Variants in SHTN1 observed in about 807,000 individuals in gnomAD.
SHTN1 encodes the protein shootin 1, also known as shootin-1.
In SHTN1, 42 loss-of-function variants were observed where a neutral mutation model predicts 83.1. The ratio of observed to expected loss-of-function variants is 0.51; its 90% CI spans 0.39 to 0.65. SHTN1 has a LOEUF of 0.65. Among genes scored for constraint, SHTN1 ranks in the 30% least tolerant of loss-of-function variants. The probability of loss-of-function intolerance (pLI) is 0.00; values close to 1 mark genes in which losing one functional copy is unlikely to be tolerated. For missense variants in SHTN1, 622 were observed against 737.8 expected, an observed-to-expected ratio of 0.84 and a Z score of 1.82; for synonymous variants, 224 against 247.7, an observed-to-expected ratio of 0.90 and a Z score of 0.90.
intron 2 of SHTN1, chr10:116,973,999 A>G: frequency 1.8e-6 from 2 of 1,116,720 alleles, no homozygotes; most frequent in Non-Finnish European, 2.3e-6. Flanking sequence ...AGAATACAAC[A>G]CATTAAATCA....
At chr10:116,896,428 A>C (rs958849733) in intron 16 of SHTN1, among the ~76,000 whole-genome samples, 3 of 152,128 alleles carry the variant, frequency 2.0e-5, no homozygotes, top group Non-Finnish European at 4.4e-5. Flanking sequence ...TGAAAGAAGG[A>C]AGGCTAGGCC....
intron 1 of SHTN1, among the ~76,000 whole-genome samples, chr10:117,050,034 T>C (rs946204155): frequency 1.3e-5 from 2 of 151,698 alleles, no homozygotes; most frequent in Non-Finnish European, 2.9e-5. Context: ...CTGAAAACAA[T>C]AGAGAATATT....
chr10:116,929,188 AG>A (rs1423923651), intron 10 of SHTN1, among the ~76,000 whole-genome samples: 1 of 152,240 alleles, frequency 6.6e-6, no homozygotes, highest in Non-Finnish European at 1.5e-5. Context: ...GCTATTATAA[AG>A]GGAATGTACC....
chr10:116,941,090 A>G (rs1849355091), intron 8 of SHTN1, among the ~76,000 whole-genome samples: 1 of 152,228 alleles, frequency 6.6e-6, no homozygotes, highest in Non-Finnish European at 1.5e-5. Flanking sequence ...AACACTATCA[A>G]GTAGACACTA....
At chr10:117,019,417 C>T (rs1002121772) in intron 2 of SHTN1, among the ~76,000 whole-genome samples, 4 of 152,018 alleles carry the variant, frequency 2.6e-5, no homozygotes, top group Admixed American at 1.3e-4. Flanking sequence ...CTCCTGGGCT[C>T]AGGCAATCCT....
At chr10:117,025,358 G>A (rs1469061205) in intron 2 of SHTN1, among the ~76,000 whole-genome samples, 1 of 152,188 alleles carries the variant, frequency 6.6e-6, no homozygotes, top group African/African-American at 2.4e-5. Context: ...CCAGCCCTGG[G>A]CAGAGGAGAA....
chr10:117,018,499 A>AT lies in SHTN1; in HGVS notation c.-123+29945dup, dbSNP rs144955533. ...TCAATCTGATAAAGGGTGTATGTGT[A>AT]TTTTTTTTAAAAAAAAAAAAAAAAG... On this transcript the variant is annotated intron_variant, in intron 2 of 17. Transcript: ENST00000392901. 6.3e-3 allele frequency among the ~76,000 whole-genome samples: 422 copies of AT among 66,812 alleles called. 2 individuals are homozygous for AT. Among genetic ancestry groups the AT allele is most frequent in the African/African-American group, 0.013 (240 of 18,500 alleles). 43.8% of individuals were successfully genotyped at this position (66,812 alleles called of 152,430 possible).
intron 1 of SHTN1, among the ~76,000 whole-genome samples, chr10:117,091,533 G>A (rs574342464): frequency 3.9e-5 from 6 of 152,260 alleles, no homozygotes; most frequent in South Asian, 4.1e-4. Flanking sequence ...CTAAGGGGAG[G>A]TGGAACCTAC....
At chr10:116,946,770 G>T (rs7093852) in intron 7 of SHTN1, among the ~76,000 whole-genome samples, 144,534 of 150,598 alleles carry the variant, frequency 0.96, 69,654 homozygotes, top group East Asian at 1. Flanking sequence ...CAGGCTGGAA[G>T]GCAGTGGTGC....
intron 1 of SHTN1, among the ~76,000 whole-genome samples, chr10:117,000,096 A>G (rs1315411163): frequency 2.0e-5 from 3 of 152,176 alleles, no homozygotes; most frequent in Non-Finnish European, 4.4e-5. Flanking sequence ...CTGGTGATTC[A>G]GATGCAGCTG....
Position 116,906,641 on chromosome 10 carries a change from T to G in SHTN1, c.1466A>C (p.Glu489Ala). ...RILRRRKVTA[E>A]ADSSSPTGIL... is the part of the protein sequence containing the mutation. ...AACCGGCTTACTACTGCTATCTGCT[T>G]CTGCTGTCACCTTTCTGCGACGCAA... Residue 489 changes from glutamate to alanine, a missense_variant, in exon 15 of 17, where the codon GAA (glutamate) becomes GCA (alanine). This residue lies in a region of SHTN1 where 231 missense variants were observed against 251.6 expected (regional missense o/e 0.92). Transcript: ENST00000355371. 6.2e-7 allele frequency: 1 copy of G among 1,612,422 alleles called. No individual in the cohort carries two copies. The highest frequency in any genetic ancestry group is 8.5e-7 in the Non-Finnish European group (1 of 1,179,062).
intron 2 of SHTN1, among the ~76,000 whole-genome samples, chr10:117,023,480 G>A (rs776128705): frequency 6.6e-6 from 1 of 152,104 alleles, no homozygotes; most frequent in African/African-American, 2.4e-5. Context: ...AAAAAGTTAT[G>A]GGCAAAATGT....
intron 16 of SHTN1, among the ~76,000 whole-genome samples, chr10:116,891,518 A>G (rs1847342358): frequency 6.6e-6 from 1 of 152,002 alleles, no homozygotes; most frequent in Non-Finnish European, 1.5e-5. Context: ...GAAAACAGAA[A>G]GATTTAAATT....
intron 2 of SHTN1, among the ~76,000 whole-genome samples, chr10:117,016,197 A>G (rs1425166509): frequency 6.6e-6 from 1 of 152,340 alleles, no homozygotes; most frequent in East Asian, 1.9e-4. Flanking sequence ...ATGTAAAAGA[A>G]TAGCAAAACA....
At chr10:116,973,839 GTACTT>G in intron 2 of SHTN1, 1 of 1,263,008 alleles carries the variant, frequency 7.9e-7, no homozygotes, top group Non-Finnish European at 1.0e-6. Flanking sequence ...AGAATTGTGT[GTACTT>G]TACCTGTTTA....
intron 12 of SHTN1, among the ~76,000 whole-genome samples, chr10:116,916,644 G>A (rs1452537681): frequency 6.6e-6 from 1 of 152,170 alleles, no homozygotes; most frequent in African/African-American, 2.4e-5. Context: ...TTTGCAATAA[G>A]GAGGCCTAGA....
At chr10:116,918,103 A>C (rs2133359175) in intron 12 of SHTN1, among the ~76,000 whole-genome samples, 1 of 152,350 alleles carries the variant, frequency 6.6e-6, no homozygotes, top group African/African-American at 2.4e-5. Context: ...ATTGTCTCAC[A>C]AAAGCATGTA....
intron 1 of SHTN1, among the ~76,000 whole-genome samples, chr10:117,050,285 A>C (rs1438506546): frequency 1.3e-5 from 2 of 152,220 alleles, no homozygotes; most frequent in Non-Finnish European, 2.9e-5. Context: ...AAAATATATA[A>C]ATCATCAGTA....
At position 116,882,476 on chromosome 10, in the gene SHTN1, AGAG is replaced by A. The variant is rs1203953877; in HGVS notation, c.*3865_*3867del. On this transcript the variant is annotated 3_prime_UTR_variant, in exon 17 of 17. Coordinates refer to ENST00000355371, the MANE Select transcript of SHTN1 (RefSeq NM_001127211.3). ...TGTAAGCCAGTGTTGGGATTATAGC[AGAG>A]GAGTAGCAGAAATAAATATATTCAG... 3.3e-5 allele frequency: 5 copies of A among 151,982 alleles called. No homozygotes were observed. The highest frequency in any genetic ancestry group is 1.2e-4 in the African/African-American group (5 of 41,406). 9.4% of individuals were successfully genotyped at this position (151,982 alleles called of 1,614,324 possible). A position where few individuals can be genotyped will look rare whatever the true frequency, so the allele number is the denominator to read the frequency against.
Sources: gnomAD v4.1 joint callset for allele counts (sites outside exome capture counted in the v4.1 genomes callset) on GRCh38, gnomAD v4.1.1 for gene constraint, gnomAD v4.1.1 regional missense constraint, MANE v1.5 for transcripts, NCBI Gene and HGNC (gene_info 2026-07-23, HGNC 2026-07-21) for gene names.